ANGPTL5: variants seen among roughly 807,000 people sequenced by gnomAD.
ANGPTL5 encodes the protein angiopoietin like 5.
In ANGPTL5, 34 loss-of-function variants were observed where a neutral mutation model predicts 39.4. That is an observed-to-expected ratio of 0.86 (90% CI 0.66 to 1.15). The LOEUF is 1.15. Ranked by LOEUF, ANGPTL5 falls within the 50% of genes most tolerant of loss-of-function variation. ANGPTL5 has a pLI of 0.00. For synonymous variants in ANGPTL5, 146 were observed against 152.1 expected (o/e 0.96, Z 0.29); for missense variants, 467 against 457.5 (o/e 1.02, Z -0.19).
At chr11:101,897,574 G>A (rs1939822578) in intron 7 of ANGPTL5, among the ~76,000 whole-genome samples, 1 of 152,166 alleles carries the variant, frequency 6.6e-6, no homozygotes, top group Non-Finnish European at 1.5e-5. Context: ...TTCCGCATAT[G>A]GCTAGCCAGT....
At chr11:101,903,922 A>C (rs1939952553) in intron 5 of ANGPTL5, among the ~76,000 whole-genome samples, 1 of 152,068 alleles carries the variant, frequency 6.6e-6, no homozygotes, top group Non-Finnish European at 1.5e-5. Context: ...TGATTCGGGC[A>C]ATATTTTAAG....
intron 2 of ANGPTL5, 127 bp downstream of exon 2, chr11:101,907,687 A>G (rs1940022004): frequency 1.5e-6 from 1 of 688,992 alleles, no homozygotes; most frequent in African/African-American, 1.8e-5. Context: ...CAACATTTCT[A>G]AATACATGTT....
In ANGPTL5 at chr11:101,904,794, T is replaced by C. The variant is rs780672217; in HGVS notation, c.439+20A>G. 6.3e-6 allele frequency: 10 copies of C among 1,599,206 alleles called. No homozygotes were observed. The highest frequency in any genetic ancestry group is 8.6e-6 in the Non-Finnish European group (10 of 1,166,626). ...CAATAAAAGACAAACATGAAAAGGC[T>C]GAAATACCAAAGTTCTCACCATGTG... On this transcript the variant is annotated intron_variant, in intron 5 of 8. Transcript: ENST00000334289.
chr11:101,914,552 C>T (rs535786596), intron 1 of ANGPTL5, among the ~76,000 whole-genome samples: 22 of 152,110 alleles, frequency 1.4e-4, no homozygotes, highest in Non-Finnish European at 3.1e-4. Context: ...AGAAGCATTA[C>T]CGAGTGGATG....
Position 101,914,957 on chromosome 11 carries a change from C to A in ANGPTL5, c.-93+1062G>T, listed in dbSNP as rs543347915. The A allele has an allele frequency of 8.5e-5, 23 of 269,618 alleles. 1 individual carries two copies. The Admixed American group carries it at 9.2e-4, about 11-fold the overall frequency. 16.7% of individuals were successfully genotyped at this position (269,618 alleles called of 1,614,324 possible). A position where few individuals can be genotyped will look rare whatever the true frequency, so the allele number is the denominator to read the frequency against. On this transcript the variant is annotated intron_variant, in intron 1 of 8. Transcript: ENST00000334289. The stretch of plus-strand genomic sequence containing the variant: ...GGAGCCTGCGATTGGCTGCTTCGGG[C>A]ACATCGTCCCGCCCCGACCTGTAGC...
intron 7 of ANGPTL5, among the ~76,000 whole-genome samples, chr11:101,896,514 AC>A (rs962991144): frequency 1.9e-4 from 29 of 150,864 alleles, no homozygotes; most frequent in African/African-American, 6.1e-4. Flanking sequence ...TCTAGCCCCC[AC>A]CCCCTGACAG....
chr11:101,907,268 A>G (rs772864255), intron 2 of ANGPTL5, 21 bp from the exon 3 acceptor site: 1 of 1,369,736 alleles, frequency 7.3e-7, no homozygotes, highest in Non-Finnish European at 1.0e-6. Flanking sequence ...AAAAATAGAA[A>G]TAAGAAAAAA....
chr11:101,900,609 A>C, intron 6 of ANGPTL5, 59 bp from the exon 7 acceptor site: 1 of 1,555,088 alleles, frequency 6.4e-7, no homozygotes, highest in South Asian at 1.1e-5. Context: ...ATTTGATAAT[A>C]TAACACTCAT....
intron 1 of ANGPTL5, among the ~76,000 whole-genome samples, chr11:101,912,070 A>G (rs1015272167): frequency 2.6e-5 from 4 of 152,116 alleles, no homozygotes; most frequent in African/African-American, 4.8e-5. Context: ...ACTTTTCACT[A>G]CCCTAATATG....
intron 2 of ANGPTL5, among the ~76,000 whole-genome samples, 196 bp downstream of exon 2, chr11:101,907,618 G>A (rs1195978536): frequency 3.3e-5 from 5 of 151,910 alleles, no homozygotes; most frequent in Admixed American, 3.3e-4. Context: ...CATATCTGTT[G>A]AATCAATCCT....
intron 1 of ANGPTL5, among the ~76,000 whole-genome samples, chr11:101,909,247 T>C (rs930204644): frequency 6.6e-6 from 1 of 152,232 alleles, no homozygotes; most frequent in African/African-American, 2.4e-5. Flanking sequence ...TCATATCTCT[T>C]ATTTGTGGCA....
intron 1 of ANGPTL5, among the ~76,000 whole-genome samples, chr11:101,908,632 T>C (rs902717413): frequency 6.6e-6 from 1 of 151,728 alleles, no homozygotes; most frequent in Non-Finnish European, 1.5e-5. Context: ...ATACAAAAAT[T>C]AGCCGGGCGT....
intron 6 of ANGPTL5, among the ~76,000 whole-genome samples, chr11:101,902,331 T>TA (rs1939917971): frequency 6.6e-6 from 1 of 152,178 alleles, no homozygotes; most frequent in Non-Finnish European, 1.5e-5. Context: ...TTCTGCCTGT[T>TA]ACGAGGATAA....
At chr11:101,899,008 T>G (rs1939846957) in intron 7 of ANGPTL5, among the ~76,000 whole-genome samples, 2 of 152,206 alleles carry the variant, frequency 1.3e-5, no homozygotes, top group South Asian at 4.1e-4. Flanking sequence ...TTGATCATGG[T>G]GGATAAGCTT....
In ANGPTL5 at chr11:101,893,658, A is replaced by G. The variant is rs116814376; in HGVS notation, c.847+1221T>C. 7.2e-3 allele frequency among the ~76,000 whole-genome samples: 1,093 copies of G among 152,290 alleles called. 14 individuals are homozygous for G. The highest frequency in any genetic ancestry group is 0.025 in the African/African-American group (1,054 of 41,568). On this transcript the variant is annotated intron_variant, in intron 8 of 8. Transcript: ENST00000334289. ...CCACATAAACTTTTCCTAATATAGT[A>G]TATTCCACCTTTAGATAGTTCTTTG...
At chr11:101,912,130 T>G (rs1204703536) in intron 1 of ANGPTL5, among the ~76,000 whole-genome samples, 3 of 152,274 alleles carry the variant, frequency 2.0e-5, no homozygotes, top group South Asian at 2.1e-4. Context: ...ATAAGGACTT[T>G]GAAGTTTTAT....
At position 101,916,077 on chromosome 11, in the gene ANGPTL5, T is replaced by A. The variant is rs1243823057; in HGVS notation, c.-151A>T. The A allele has an allele frequency of 6.6e-6, 1 of 152,260 alleles. No homozygotes were observed. Among genetic ancestry groups the A allele is most frequent in the East Asian group, 1.9e-4 (1 of 5,198 alleles). The allele number at this position is 152,260 out of a possible 1,614,324, so 9.4% of individuals were successfully genotyped here. ...TGGAAAGAGGAGAAGTATTTTGTTA[T>A]CAAAATCTGTAAATCAGGTTTATTC... On this transcript the variant is annotated 5_prime_UTR_variant, in exon 1 of 9. Transcript: ENST00000334289.
chr11:101,906,659 A>G (rs892537320), intron 3 of ANGPTL5, among the ~76,000 whole-genome samples: 2 of 152,150 alleles, frequency 1.3e-5, no homozygotes, highest in African/African-American at 2.4e-5. Context: ...AAAAGGGCCC[A>G]CACACTATTA....
intron 2 of ANGPTL5, 64 bp from the exon 3 acceptor site, chr11:101,907,311 A>G: frequency 9.8e-7 from 1 of 1,024,820 alleles, no homozygotes; most frequent in South Asian, 1.8e-5. Flanking sequence ...CCTAATACAT[A>G]ATAAAAAAGA....
Sources: allele counts gnomAD v4.1 joint callset (sites outside exome capture counted in the v4.1 genomes callset), GRCh38; gene constraint gnomAD v4.1.1; transcripts MANE v1.5; gene names NCBI Gene and HGNC (gene_info 2026-07-23, HGNC 2026-07-21).